Variants in ACYP2 observed in about 807,000 individuals in gnomAD.
The protein encoded by ACYP2 is acylphosphatase-2.
A neutral mutation model predicts 11.2 loss-of-function variants in ACYP2; 12 were observed. That is an observed-to-expected ratio of 1.08 (90% CI 0.69 to 1.74). The LOEUF (loss-of-function observed/expected upper bound fraction) is 1.74, where lower values mean the gene tolerates loss of function less well. Ranked by LOEUF, ACYP2 falls within the 40% of genes most tolerant of loss-of-function variation. The probability of loss-of-function intolerance (pLI) is 0.00; values close to 1 mark genes in which losing one functional copy is unlikely to be tolerated. For synonymous variants in ACYP2, 43 were observed against 32.2 expected (o/e 1.33, Z -1.13); for missense variants, 134 against 101.9 (o/e 1.31, Z -1.35).
At chr2:54,225,920 T>A (rs1025919851) in intron 6 of ACYP2, among the ~76,000 whole-genome samples, 1 of 152,210 alleles carries the variant, frequency 6.6e-6, no homozygotes, top group Non-Finnish European at 1.5e-5. Context: ...CTAGGATTAA[T>A]AACTCATTGC....
intron 6 of ACYP2, among the ~76,000 whole-genome samples, chr2:54,181,530 T>C (rs931109463): frequency 6.6e-6 from 1 of 152,206 alleles, no homozygotes; most frequent in Admixed American, 6.5e-5. Flanking sequence ...ATTGTAAGCA[T>C]GACTTTCTGC....
chr2:53,984,968 C>G (rs992112068), intron 2 of ACYP2, among the ~76,000 whole-genome samples: 3 of 151,558 alleles, frequency 2.0e-5, no homozygotes, highest in Non-Finnish European at 2.9e-5. Flanking sequence ...AACTCAAGAA[C>G]AAAACAAGGA....
intron 2 of ACYP2, among the ~76,000 whole-genome samples, chr2:53,978,451 A>T (rs1381940548): frequency 6.6e-6 from 1 of 152,198 alleles, no homozygotes; most frequent in African/African-American, 2.4e-5. Context: ...AGTAAGGACC[A>T]CATAGACAGT....
At chr2:54,157,070 T>A (rs559054762) in intron 6 of ACYP2, among the ~76,000 whole-genome samples, 5 of 151,168 alleles carry the variant, frequency 3.3e-5, no homozygotes, top group Admixed American at 2.0e-4. Flanking sequence ...AAATGTGATT[T>A]AAAAAAAAAA....
intron 2 of ACYP2, among the ~76,000 whole-genome samples, chr2:54,044,259 C>G (rs1306524546): frequency 1.3e-5 from 2 of 152,140 alleles, no homozygotes; most frequent in African/African-American, 4.8e-5. Context: ...AGACTTTCCA[C>G]TGAATAAAGG....
intron 6 of ACYP2, chr2:54,254,048 G>C (rs1687362259): frequency 6.6e-6 from 1 of 152,210 alleles, no homozygotes; most frequent in African/African-American, 2.4e-5. Flanking sequence ...GCAAATAAAG[G>C]TACCTAGATT....
chr2:54,127,302 C>T (rs1485574130), intron 4 of ACYP2, among the ~76,000 whole-genome samples: 4 of 152,182 alleles, frequency 2.6e-5, no homozygotes, highest in Admixed American at 2.6e-4. Flanking sequence ...CATATACAGA[C>T]TACAAATTTA....
At chr2:54,068,308 C>T (rs966172715) in intron 4 of ACYP2, among the ~76,000 whole-genome samples, 1 of 152,150 alleles carries the variant, frequency 6.6e-6, no homozygotes, top group Admixed American at 6.6e-5. Flanking sequence ...ATAAAAGACC[C>T]GTTGAATACT....
intron 1 of ACYP2, among the ~76,000 whole-genome samples, chr2:53,973,084 A>T (rs973737030): frequency 3.3e-5 from 5 of 151,360 alleles, no homozygotes; most frequent in Non-Finnish European, 7.4e-5. Context: ...AGAGAGGAGG[A>T]GTTCTAGGAA....
intron 4 of ACYP2, among the ~76,000 whole-genome samples, chr2:54,099,871 A>G (rs1453030082): frequency 1.3e-5 from 2 of 152,170 alleles, no homozygotes; most frequent in East Asian, 1.9e-4. Flanking sequence ...ACCTACATAC[A>G]GTTTTCCATA....
At chr2:54,090,504 G>A (rs957050729) in intron 4 of ACYP2, among the ~76,000 whole-genome samples, 4 of 152,046 alleles carry the variant, frequency 2.6e-5, no homozygotes, top group Non-Finnish European at 5.9e-5. Context: ...GGTGGCGTGC[G>A]CCTGGATTCC....
At chr2:54,089,783 T>G (rs1678126128) in intron 4 of ACYP2, among the ~76,000 whole-genome samples, 1 of 151,962 alleles carries the variant, frequency 6.6e-6, no homozygotes, top group South Asian at 2.1e-4. Context: ...AATATTTCTT[T>G]AACATGTTCA....
chr2:54,241,371 T>C (rs1249399071), intron 6 of ACYP2, among the ~76,000 whole-genome samples: 1 of 152,154 alleles, frequency 6.6e-6, no homozygotes, highest in African/African-American at 2.4e-5. Context: ...AACCGAAAAA[T>C]GAAGCCTTCT....
Position 54,305,093 on chromosome 2 carries a change from A to G in ACYP2, c.*291A>G. ...CTTTAATTTCAATGAACATTACAGC[A>G]TATATATGTTATTTGGCGAGACATC... On this transcript the variant is annotated 3_prime_UTR_variant, in exon 7 of 7. Coordinates refer to ENST00000607452, the MANE Select transcript of ACYP2 (RefSeq NM_001320586.2). 5.0e-6 allele frequency: 1 copy of G among 200,598 alleles called. No homozygotes were observed. The highest frequency in any genetic ancestry group is 1.0e-5 in the Non-Finnish European group (1 of 100,286). 12.4% of individuals were successfully genotyped at this position (200,598 alleles called of 1,614,324 possible). A position where few individuals can be genotyped will look rare whatever the true frequency, so the allele number is the denominator to read the frequency against.
intron 6 of ACYP2, chr2:54,255,798 T>G (rs1182628864): frequency 1.2e-6 from 2 of 1,613,912 alleles, no homozygotes; most frequent in South Asian, 1.1e-5. Flanking sequence ...CGTGCGTCTC[T>G]TCACCCGGAA....
chr2:54,072,507 C>CTTTT (rs751029811), intron 4 of ACYP2, among the ~76,000 whole-genome samples: 1 of 83,456 alleles, frequency 1.2e-5, no homozygotes, highest in East Asian at 1.0e-3. Flanking sequence ...TTCTCTCTCT[C>CTTTT]TCTCTTTCTT....
chr2:54,235,827 C>T (rs1273852758), intron 6 of ACYP2, among the ~76,000 whole-genome samples: 1 of 152,002 alleles, frequency 6.6e-6, no homozygotes, highest in East Asian at 1.9e-4. Flanking sequence ...AGAGTGAGAC[C>T]CTGTCTCAAA....
At chr2:53,991,625 G>A (rs28760371) in intron 2 of ACYP2, among the ~76,000 whole-genome samples, 3,723 of 151,884 alleles carry the variant, frequency 0.025, 147 homozygotes, top group African/African-American at 0.086. Context: ...GGTTGGTGTC[G>A]AACTCCCGAC....
chr2:54,171,285 A>G (rs564077193), intron 6 of ACYP2, among the ~76,000 whole-genome samples: 14 of 152,272 alleles, frequency 9.2e-5, no homozygotes, highest in African/African-American at 3.4e-4. Flanking sequence ...GGCTTCAAAC[A>G]TAAAGAAATA....
Sources: gnomAD v4.1 joint callset for allele counts (sites outside exome capture counted in the v4.1 genomes callset) on GRCh38, gnomAD v4.1.1 for gene constraint, MANE v1.5 for transcripts, NCBI Gene and HGNC (gene_info 2026-07-23, HGNC 2026-07-21) for gene names.